Variants in NCKAP5 observed in about 807,000 individuals in gnomAD.
NCKAP5 encodes the protein NCK associated protein 5, also known as nck-associated protein 5.
In NCKAP5, 92 loss-of-function variants were observed where a neutral mutation model predicts 167.0. The observed-to-expected ratio is 0.55, with a 90% CI of 0.47 to 0.66. The LOEUF (loss-of-function observed/expected upper bound fraction) is 0.66, where lower values mean the gene tolerates loss of function less well. Among genes scored for constraint, NCKAP5 ranks in the 30% least tolerant of loss-of-function variants. NCKAP5 has a pLI of 0.00. For missense variants in NCKAP5, 2,378 were observed against 2,315.0 expected, an observed-to-expected ratio of 1.03 and a Z score of -0.56; for synonymous variants, 891 against 877.4, an observed-to-expected ratio of 1.02 and a Z score of -0.27.
intron 16 of NCKAP5, among the ~76,000 whole-genome samples, chr2:132,748,281 C>T (rs1164261849): frequency 2.0e-5 from 3 of 152,208 alleles, no homozygotes; most frequent in Non-Finnish European, 4.4e-5. Flanking sequence ...CAAATAAGGT[C>T]ATAAACTCAT....
chr2:132,879,780 G>A (rs1198076660), intron 8 of NCKAP5, among the ~76,000 whole-genome samples: 1 of 152,030 alleles, frequency 6.6e-6, no homozygotes, highest in Non-Finnish European at 1.5e-5. Flanking sequence ...TGGAAGTAGG[G>A]GTATAGTAAT....
At chr2:132,699,494 G>C (rs908336733) in intron 19 of NCKAP5, among the ~76,000 whole-genome samples, 5 of 139,142 alleles carry the variant, frequency 3.6e-5, no homozygotes, top group African/African-American at 5.5e-5. Flanking sequence ...CCCTCCCCAC[G>C]ACAGGCCCTG....
intron 7 of NCKAP5, among the ~76,000 whole-genome samples, chr2:132,979,996 C>CG (rs2077085333): frequency 7.4e-6 from 1 of 134,676 alleles, no homozygotes; most frequent in Non-Finnish European, 1.6e-5. Context: ...TTTTCTTTTT[C>CG]TTTTTTTTTT....
chr2:133,123,892 C>G, intron 6 of NCKAP5: 1 of 449,848 alleles, frequency 2.2e-6, no homozygotes, highest in Non-Finnish European at 4.7e-6. Flanking sequence ...TTATCCTCTT[C>G]AACACACACT....
chr2:133,421,345 T>C (rs1689464979), intron 3 of NCKAP5, among the ~76,000 whole-genome samples: 2 of 150,528 alleles, frequency 1.3e-5, no homozygotes, highest in Admixed American at 6.6e-5. Flanking sequence ...TCTCTAATCA[T>C]TAACATCGAA....
chr2:132,928,674 C>T (rs1434961067), intron 8 of NCKAP5, among the ~76,000 whole-genome samples: 2 of 152,062 alleles, frequency 1.3e-5, no homozygotes, highest in Non-Finnish European at 2.9e-5. Flanking sequence ...CTCTGTAAGG[C>T]TTATACACGA....
At chr2:132,881,723 G>A (rs1212336136) in intron 8 of NCKAP5, among the ~76,000 whole-genome samples, 1 of 152,024 alleles carries the variant, frequency 6.6e-6, no homozygotes, top group Non-Finnish European at 1.5e-5. Flanking sequence ...CATGGGACCT[G>A]CTGCTGGACA....
chr2:133,037,630 C>T (rs556611223), intron 6 of NCKAP5, among the ~76,000 whole-genome samples: 1 of 152,234 alleles, frequency 6.6e-6, no homozygotes, highest in African/African-American at 2.4e-5. Context: ...TATCTTTCAC[C>T]ATATACAGAA....
At position 133,115,797 on chromosome 2, in the gene NCKAP5, A is replaced by G. The variant is rs1480981107; in HGVS notation, c.341+14181T>C. Among the ~76,000 whole-genome samples the G allele has an allele frequency of 9.8e-3, 1,225 of 124,582 alleles. 38 individuals are homozygous for G. Among genetic ancestry groups the G allele is most frequent in the African/African-American group, 0.045 (1,161 of 25,676 alleles). The allele number at this position is 124,582 out of a possible 152,430, so 81.7% of individuals were successfully genotyped here. ...TGTGTATATATATATATATATATAT[A>G]TATATATATATATATATATAGTGTT... On this transcript the variant is annotated intron_variant, in intron 6 of 19. Transcript: ENST00000409261.
intron 3 of NCKAP5, among the ~76,000 whole-genome samples, chr2:133,324,319 G>T (rs1279716692): frequency 1.3e-5 from 2 of 152,196 alleles, no homozygotes; most frequent in African/African-American, 4.8e-5. Flanking sequence ...CTTATTTTGT[G>T]AAAGCAAAAC....
chr2:133,382,299 A>G (rs973907754), intron 3 of NCKAP5, among the ~76,000 whole-genome samples: 1 of 152,160 alleles, frequency 6.6e-6, no homozygotes, highest in Non-Finnish European at 1.5e-5. Flanking sequence ...AGTCTTCTGC[A>G]ATAGCTTGTT....
chr2:133,115,074 C>G lies in NCKAP5; in HGVS notation c.341+14904G>C, dbSNP rs369372469. Among the ~76,000 whole-genome samples the G allele has an allele frequency of 6.6e-5, 10 of 152,162 alleles. No individual in the cohort carries two copies. The East Asian group carries it at 1.9e-3, about 29-fold the overall frequency. The stretch of plus-strand genomic sequence containing the variant: ...TCTTAAAGACAGAATGCTTCTTTCT[C>G]ATTGCTTATCAATTTTGAAAATAAA... On this transcript the variant is annotated intron_variant, in intron 6 of 19. Coordinates refer to ENST00000409261, the MANE Select transcript of NCKAP5 (RefSeq NM_207363.3).
At chr2:133,462,805 AG>A (rs1425114289) in intron 3 of NCKAP5, among the ~76,000 whole-genome samples, 1 of 152,230 alleles carries the variant, frequency 6.6e-6, no homozygotes, top group Non-Finnish European at 1.5e-5. Flanking sequence ...ACAAGCCACA[AG>A]CATAAGAGCA....
At chr2:133,209,074 C>CA (rs2086091463) in intron 5 of NCKAP5, among the ~76,000 whole-genome samples, 1 of 68,912 alleles carries the variant, frequency 1.5e-5, no homozygotes. Context: ...CAAAAAATTA[C>CA]ATTAAAAAAC....
chr2:132,729,678 T>A (rs1462244646), intron 17 of NCKAP5, among the ~76,000 whole-genome samples: 2 of 152,056 alleles, frequency 1.3e-5, no homozygotes, highest in Non-Finnish European at 2.9e-5. Flanking sequence ...AGAGAACAAT[T>A]AAAGAGAGTT....
chr2:133,601,759 ACT>A, the NCKAP5 span, among the ~76,000 whole-genome samples: 1 of 151,910 alleles, frequency 6.6e-6, no homozygotes, highest in Non-Finnish European at 1.5e-5. Flanking sequence ...AAATAAATAA[ACT>A]CTACCTTGAA....
At chr2:133,110,736 TTACAAC>T (rs1377559586) in intron 6 of NCKAP5, among the ~76,000 whole-genome samples, 2 of 151,946 alleles carry the variant, frequency 1.3e-5, no homozygotes, top group African/African-American at 4.8e-5. Context: ...AAAGTCAGAG[TTACAAC>T]TTTGCCCCCG....
In NCKAP5 at chr2:132,772,722, C is replaced by T. The variant is rs936100323; in HGVS notation, c.5128+1094G>A. Among the ~76,000 whole-genome samples the T allele has an allele frequency of 7.9e-5, 12 of 152,290 alleles. No homozygotes were observed. The South Asian group carries it at 2.5e-3, about 32-fold the overall frequency. On this transcript the variant is annotated intron_variant, in intron 16 of 19. Transcript: ENST00000409261. ...ACACTCTTTCAGCTGTTTGTTAAGACTTTTGTGTTCCCAATTACGAATGAA... is the reference window on the plus strand; with the variant it reads ...ACACTCTTTCAGCTGTTTGTTAAGATTTTTGTGTTCCCAATTACGAATGAA...
At chr2:132,723,429 TG>T (rs1280982176) in intron 19 of NCKAP5, among the ~76,000 whole-genome samples, 1 of 152,162 alleles carries the variant, frequency 6.6e-6, no homozygotes, top group African/African-American at 2.4e-5. Context: ...CCCAAAGTGC[TG>T]GGATTACAGG....
Sources: gnomAD v4.1 joint callset for allele counts (sites outside exome capture counted in the v4.1 genomes callset) on GRCh38, gnomAD v4.1.1 for gene constraint, MANE v1.5 for transcripts, NCBI Gene and HGNC (gene_info 2026-07-23, HGNC 2026-07-21) for gene names.